CTSB: variants seen among roughly 807,000 people sequenced by gnomAD.
CTSB encodes APP secretase.
A neutral mutation model predicts 44.3 loss-of-function variants in CTSB; 57 were observed. That is an observed-to-expected ratio of 1.29 (90% CI 1.04 to 1.60). The LOEUF is 1.60. CTSB is among the 40% of genes most tolerant of loss of function. CTSB has a pLI of 0.00. For synonymous variants in CTSB, 320 were observed against 168.0 expected, an observed-to-expected ratio of 1.91 and a Z score of -7.00; for missense variants, 768 against 443.0, an observed-to-expected ratio of 1.73 and a Z score of -6.59.
chr8:11,842,853 C>G lies in CTSB; in HGVS notation c.*2272G>C, dbSNP rs1218964720. On this transcript the variant is annotated 3_prime_UTR_variant, in exon 10 of 10. Coordinates refer to ENST00000353047, the MANE Select transcript of CTSB (RefSeq NM_001908.5). ...GTTTCACCGTGTTGCCAAGGCTGAT[C>G]TCAAAACTCCTGACCTCAGGTGATC... is the stretch of plus-strand genomic sequence containing the variant. The G allele has an allele frequency of 6.7e-6, 1 of 149,412 alleles. No individual in the cohort carries two copies. Among genetic ancestry groups the G allele is most frequent in the Admixed American group, 6.7e-5 (1 of 14,974 alleles). 9.3% of individuals were successfully genotyped at this position (149,412 alleles called of 1,614,324 possible).
At chr8:11,864,588 A>G (rs1248539517) in intron 1 of CTSB, 1 of 152,202 alleles carries the variant, frequency 6.6e-6, no homozygotes, top group Admixed American at 6.6e-5. Flanking sequence ...CCTTGGAAGG[A>G]TCAGGAAACA....
Position 11,847,740 on chromosome 8 carries a change from G to A in CTSB, c.615C>T (p.Pro205=), listed in dbSNP as rs1389960619. Residue 205 remains proline, a synonymous_variant, in exon 7 of 10, where the codon CCC becomes CCT. Coordinates refer to ENST00000353047, the MANE Select transcript of CTSB (RefSeq NM_001908.5). ...RPPCTGEGDT[P]KCSKICEPGY... ...CAGGCTCACAGATCTTGCTACACTT[G>A]GGGGTATCTCCCTCCCCCGTGCATG... 3.1e-6 allele frequency: 5 copies of A among 1,600,782 alleles called. No homozygotes were observed. Among genetic ancestry groups the A allele is most frequent in the Non-Finnish European group, 4.3e-6 (5 of 1,175,620 alleles).
intron 1 of CTSB, among the ~76,000 whole-genome samples, chr8:11,858,791 A>T (rs1270984141): frequency 6.6e-6 from 1 of 152,246 alleles, no homozygotes; most frequent in African/African-American, 2.4e-5. Flanking sequence ...GGACAAATGC[A>T]GATGGTGAAA....
intron 1 of CTSB, among the ~76,000 whole-genome samples, chr8:11,857,429 A>ATATGC (rs1815689739): frequency 1.3e-5 from 2 of 152,088 alleles, no homozygotes; most frequent in Non-Finnish European, 2.9e-5. Context: ...TGAGGTTAGC[A>ATATGC]TGTCTCGTGG....
chr8:11,848,125 A>G lies in CTSB; in HGVS notation c.474T>C (p.Ala158=), dbSNP rs769329288. Residue 158 remains alanine (A), a synonymous_variant, in exon 6 of 10, where the codon GCT becomes GCC. Coordinates refer to ENST00000353047, the MANE Select transcript of CTSB (RefSeq NM_001908.5). The part of the protein sequence containing the change: ...DGCNGGYPAE[A]WNFWTRKGLV... ...GGCCTTTTCTTGTCCAGAAGTTCCA[A>G]GCTTCAGCAGGATAGCCACCATTAC... The G allele has an allele frequency of 1.9e-6, 3 of 1,614,210 alleles. No individual in the cohort carries two copies. The highest frequency in any genetic ancestry group is 2.5e-6 in the Non-Finnish European group (3 of 1,180,008).
chr8:11,845,614 G>A (rs915161773), intron 9 of CTSB, 47 bp downstream of exon 9: 2 of 1,595,586 alleles, frequency 1.3e-6, no homozygotes, highest in Non-Finnish European at 1.7e-6. Flanking sequence ...GCCACGGGGT[G>A]TGGCTCACAA....
intron 8 of CTSB, 156 bp downstream of exon 8, chr8:11,846,896 G>A (rs1326688746): frequency 6.5e-6 from 4 of 619,270 alleles, no homozygotes; most frequent in South Asian, 3.8e-5. Context: ...CTGGTCCACA[G>A]AGGAGTGAGC....
intron 5 of CTSB, chr8:11,848,805 T>C: frequency 2.3e-6 from 1 of 426,782 alleles, no homozygotes; most frequent in Non-Finnish European, 4.4e-6. Context: ...CCACATTTTC[T>C]GAAACTGACT....
intron 9 of CTSB, among the ~76,000 whole-genome samples, chr8:11,845,447 G>T (rs1269679791): frequency 6.6e-6 from 1 of 152,204 alleles, no homozygotes; most frequent in Non-Finnish European, 1.5e-5. Flanking sequence ...GCGATGCTGT[G>T]GGAACTGTTG....
Position 11,845,759 on chromosome 8 carries a change from A to G in CTSB, c.824T>C (p.Met275Thr), listed in dbSNP as rs1206858927. ...CAGGATGCGGATGGCATGGCCACCC[A>G]TCATCTCTCCGGTGACGTGTTGGTA... ...GVYQHVTGEM[M>T]GGHAIRILGW... The change falls in exon 9 of 10, where the codon ATG becomes ACG. Residue 275 changes from methionine (M) to threonine (T), a missense_variant. By Grantham distance (81) the Met-to-Thr change is moderately conservative. Transcript: ENST00000353047. 6 of 1,613,968 alleles carry G rather than the reference A, an allele frequency of 3.7e-6. No individual in the cohort carries two copies. Among genetic ancestry groups the G allele is most frequent in the Non-Finnish European group, 3.4e-6 (4 of 1,179,952 alleles).
At chr8:11,860,483 C>G (rs568810180) in intron 1 of CTSB, among the ~76,000 whole-genome samples, 1 of 151,988 alleles carries the variant, frequency 6.6e-6, no homozygotes, top group African/African-American at 2.4e-5. Flanking sequence ...ATTAGCCAGG[C>G]GTGGTGGTTG....
intron 1 of CTSB, among the ~76,000 whole-genome samples, chr8:11,856,816 G>A (rs1815594068): frequency 6.6e-6 from 1 of 151,416 alleles, no homozygotes; most frequent in Non-Finnish European, 1.5e-5. Context: ...GGTCACTACG[G>A]TGGGGAGACT....
At chr8:11,849,199 T>G (rs1199644239) in intron 4 of CTSB, 35 bp from the exon 5 acceptor site, 1 of 1,577,960 alleles carries the variant, frequency 6.3e-7, no homozygotes. Context: ...GAGGCTGCCA[T>G]GTCCGGGCTG....
intron 1 of CTSB, among the ~76,000 whole-genome samples, chr8:11,864,983 A>T (rs1816921321): frequency 6.6e-6 from 1 of 152,134 alleles, no homozygotes; most frequent in Non-Finnish European, 1.5e-5. Context: ...ACCCCACACA[A>T]GCTAGGGTAA....
rs1180772034 is a variant in CTSB, at chr8:11,852,675, G to A, written c.147C>T (p.Asn49=). The A allele has an allele frequency of 9.3e-6, 15 of 1,614,034 alleles. No homozygotes were observed. Among genetic ancestry groups the A allele is most frequent in the East Asian group, 6.7e-5 (3 of 44,872 alleles). Residue 49 remains asparagine (N), a synonymous_variant, in exon 3 of 10, where the codon AAC becomes AAT. Coordinates refer to ENST00000353047, the MANE Select transcript of CTSB (RefSeq NM_001908.5). ...TTWQAGHNFY[N]VDMSYLKRLC... ...GCCTCTTCAAGTAGCTCATGTCCAC[G>A]TTGTAGAAGTTGTGCCCGGCCTGGA...
chr8:11,847,060 T>A lies in CTSB; in HGVS notation c.785A>T (p.Tyr262Phe). 6.3e-7 allele frequency: 1 copy of A among 1,588,044 alleles called. No individual in the cohort carries two copies. The highest frequency in any genetic ancestry group is 1.1e-5 in the South Asian group (1 of 90,570). The stretch of plus-strand genomic sequence containing the variant: ...CAGCCATCAGCACGCACCTGACTTG[T>A]AGAGCAGGAAGTCCGAATACACAGA... ...AFSVYSDFLL[Y>F]KSGVYQHVTG... Residue 262 changes from tyrosine to phenylalanine, a missense_variant, in exon 8 of 10, where the codon TAC (tyrosine) becomes TTC (phenylalanine). Tyr to Phe is a conservative substitution (Grantham distance 22). Coordinates refer to ENST00000353047, the MANE Select transcript of CTSB (RefSeq NM_001908.5).
At chr8:11,857,084 C>T (rs1049272957) in intron 1 of CTSB, among the ~76,000 whole-genome samples, 6 of 152,116 alleles carry the variant, frequency 3.9e-5, no homozygotes, top group Non-Finnish European at 7.3e-5. Flanking sequence ...AGTACAGTGG[C>T]GCAATCTTGG....
At chr8:11,852,923 A>T (rs1586142299) in intron 2 of CTSB, among the ~76,000 whole-genome samples, 1 of 152,260 alleles carries the variant, frequency 6.6e-6, no homozygotes, top group Non-Finnish European at 1.5e-5. Context: ...CCAGCCCTCA[A>T]CATGGCTCAC....
chr8:11,864,318 GAAAAAAAA>G (rs35885912), intron 1 of CTSB: 1 of 45,570 alleles, frequency 2.2e-5, no homozygotes. Flanking sequence ...CTCTACCAAC[GAAAAAAAA>G]AAAAAAAAAA....
Sources: gnomAD v4.1 joint callset for allele counts (sites outside exome capture counted in the v4.1 genomes callset) on GRCh38, gnomAD v4.1.1 for gene constraint, MANE v1.5 for transcripts, NCBI Gene and HGNC (gene_info 2026-07-23, HGNC 2026-07-21) for gene names.